The following TMEM230 variants were observed in gnomAD, a reference collection of about 807,000 sequenced individuals.
TMEM230 encodes the protein transmembrane protein 230, also known as UPF0414 transmembrane protein C20orf30.
A neutral mutation model predicts 15.8 loss-of-function variants in TMEM230; 10 were observed. The observed-to-expected ratio is 0.63, with a 90% CI of 0.39 to 1.07. The LOEUF is 1.07. TMEM230 is among the 50% of genes least tolerant of loss of function. The probability of loss-of-function intolerance (pLI) is 0.01; values close to 1 mark genes in which losing one functional copy is unlikely to be tolerated. For synonymous variants in TMEM230, 67 were observed against 76.9 expected (o/e 0.87, Z 0.68); for missense variants, 165 against 193.3 (o/e 0.85, Z 0.87).
At chr20:5,108,449 G>C (rs2090182150) in intron 3 of TMEM230, among the ~76,000 whole-genome samples, 1 of 151,230 alleles carries the variant, frequency 6.6e-6, no homozygotes, top group Non-Finnish European at 1.5e-5. Flanking sequence ...GGAAAAGAAG[G>C]CAATTTCAGC....
downstream of TMEM230, among the ~76,000 whole-genome samples, chr20:5,067,671 C>T (rs2002988): frequency 0.61 from 89,997 of 147,990 alleles, 27,825 homozygotes; most frequent in East Asian, 0.84. Flanking sequence ...CTCGAACTCC[C>T]GACCTCATGA....
chr20:5,072,848 CAAAAAAAAAAAAA>C (rs3056051), intron 3 of TMEM230, among the ~76,000 whole-genome samples: 1 of 51,440 alleles, frequency 1.9e-5, no homozygotes, highest in Admixed American at 2.8e-4. Context: ...GACTCCACCT[CAAAAAAAAAAAAA>C]AAAAAAAAAA....
chr20:5,060,908 A>G, the TMEM230 span: 1 of 152,134 alleles, frequency 6.6e-6, no homozygotes, highest in Admixed American at 6.6e-5. Flanking sequence ...ATAATACCAG[A>G]TAGTTTTCCA....
intron 3 of TMEM230, among the ~76,000 whole-genome samples, chr20:5,086,538 CA>C (rs542162305): frequency 0.037 from 3,323 of 88,826 alleles, 37 homozygotes; most frequent in Middle Eastern, 0.057. Flanking sequence ...GACTCTGTCT[CA>C]AAAAAAAAAA....
At chr20:5,096,150 A>T (rs1193262470), downstream of TMEM230, among the ~76,000 whole-genome samples, 1 of 152,190 alleles carries the variant, frequency 6.6e-6, no homozygotes, top group East Asian at 1.9e-4. Context: ...TCTGCCATGG[A>T]ACAGCAGGTT....
rs1266120537 is a variant in TMEM230 at position 5,107,907 on chromosome 20, T to G, written c.288+1425A>C. ...TGGGTGAATCACTGGAGGTTAAGAG[T>G]TCGAGACCAGCCTGGCCAACATGGC... On this transcript the variant is annotated intron_variant, in intron 3 of 4. Transcript: ENST00000342308. 2.7e-5 allele frequency among the ~76,000 whole-genome samples: 4 copies of G among 150,204 alleles called. No homozygotes were observed. The South Asian group carries it at 6.4e-4, about 24-fold the overall frequency.
chr20:5,089,010 G>A (rs986568303), intron 3 of TMEM230, among the ~76,000 whole-genome samples: 2 of 152,220 alleles, frequency 1.3e-5, no homozygotes, highest in Non-Finnish European at 1.5e-5. Context: ...AGATAAAAAT[G>A]TTATGGTCAC....
intron 4 of TMEM230, among the ~76,000 whole-genome samples, chr20:5,105,042 TA>T (rs1243163737): frequency 2.6e-5 from 4 of 152,238 alleles, no homozygotes; most frequent in Admixed American, 2.0e-4. Flanking sequence ...CCCAGCACTT[TA>T]GGAGGCCCAC....
intron 3 of TMEM230, among the ~76,000 whole-genome samples, chr20:5,078,658 C>T (rs1049174834): frequency 3.3e-5 from 5 of 152,166 alleles, no homozygotes; most frequent in East Asian, 1.9e-4. Flanking sequence ...CGGTTAGAGC[C>T]GCTACTCAGA....
chr20:5,079,538 A>C (rs2089115648), intron 3 of TMEM230, among the ~76,000 whole-genome samples: 1 of 152,128 alleles, frequency 6.6e-6, no homozygotes, highest in Non-Finnish European at 1.5e-5. Context: ...CCGAGGCTGG[A>C]GTGCAATGGC....
chr20:5,062,973 T>C, the TMEM230 span, among the ~76,000 whole-genome samples: 3 of 152,144 alleles, frequency 2.0e-5, no homozygotes, highest in East Asian at 5.8e-4. Flanking sequence ...GAGGAGATGC[T>C]CTGCTCCCTG....
Position 5,100,173 on chromosome 20 carries a change from T to C in TMEM230, c.*618A>G, listed in dbSNP as rs183551373. ...GCAAATTATATGCTGTCCAACCTACTGGTGAACTGGATCAGAATGGTCCAA... is the reference window on the plus strand; with the variant it reads ...GCAAATTATATGCTGTCCAACCTACCGGTGAACTGGATCAGAATGGTCCAA... On this transcript the variant is annotated 3_prime_UTR_variant, in exon 5 of 5. Coordinates refer to ENST00000342308, the MANE Select transcript of TMEM230 (RefSeq NM_001009923.2). 5.6e-3 allele frequency: 5,472 copies of C among 985,450 alleles called. 20 individuals carry two copies. The highest frequency in any genetic ancestry group is 6.3e-3 in the Non-Finnish European group (5,213 of 829,928). 61.0% of individuals were successfully genotyped at this position (985,450 alleles called of 1,614,324 possible).
chr20:5,083,899 G>A (rs2089254231), intron 3 of TMEM230, among the ~76,000 whole-genome samples: 1 of 152,184 alleles, frequency 6.6e-6, no homozygotes. Flanking sequence ...GTGCAAGTTT[G>A]TTACGTGGGT....
intron 3 of TMEM230, among the ~76,000 whole-genome samples, chr20:5,080,599 G>C (rs1369333504): frequency 6.6e-6 from 1 of 150,948 alleles, no homozygotes; most frequent in Middle Eastern, 3.2e-3. Flanking sequence ...TGGAGTCTCA[G>C]TCTATTGCCC....
At chr20:5,075,159 G>A (rs531694664) in intron 3 of TMEM230, among the ~76,000 whole-genome samples, 111 of 150,978 alleles carry the variant, frequency 7.4e-4, no homozygotes, top group Admixed American at 1.5e-3. Flanking sequence ...TCTACCTCCC[G>A]GGTTCAAGTG....
At chr20:5,068,884 C>T in exon 4 of TMEM230, 1 of 283,946 alleles carries the variant, frequency 3.5e-6, no homozygotes. Context: ...CTCTCAGTAC[C>T]AAGGATGGTA....
At chr20:5,062,501 A>C in the TMEM230 span, among the ~76,000 whole-genome samples, 1 of 152,184 alleles carries the variant, frequency 6.6e-6, no homozygotes, top group Non-Finnish European at 1.5e-5. Context: ...CACACCTGTA[A>C]TCCCAGCACT....
rs77527852 is a variant in TMEM230, at chr20:5,079,298, T to C, written c.223-9949A>G. ...ACAGCATGCCTGATTTGTAATGTCA[T>C]TTAATATCAAAGAGGTTAAGTATTC... On this transcript the variant is annotated intron_variant, in intron 3 of 3. Transcript: ENST00000612323. Among the ~76,000 whole-genome samples, 32 of 152,324 alleles carry C rather than the reference T, an allele frequency of 2.1e-4. No homozygotes were observed. In the East Asian group the frequency reaches 6.0e-3, roughly 28 times the overall value.
intron 4 of TMEM230, among the ~76,000 whole-genome samples, chr20:5,105,463 C>G (rs904649930): frequency 6.6e-6 from 1 of 151,732 alleles, no homozygotes; most frequent in East Asian, 2.0e-4. Flanking sequence ...CGGTGGCGCA[C>G]GTCTGTAATT....
Sources: gnomAD v4.1 joint callset for allele counts (sites outside exome capture counted in the v4.1 genomes callset) on GRCh38, gnomAD v4.1.1 for gene constraint, MANE v1.5 for transcripts, NCBI Gene and HGNC (gene_info 2026-07-23, HGNC 2026-07-21) for gene names.